EPHB1: variants seen among roughly 807,000 people sequenced by gnomAD.
EPHB1 encodes the protein ephrin type-B receptor 1.
In EPHB1, 30 loss-of-function variants were observed where a neutral mutation model predicts 94.4. That is an observed-to-expected ratio of 0.32 (90% CI 0.24 to 0.43). EPHB1 has a LOEUF of 0.43. Ranked by LOEUF, EPHB1 falls within the 20% of genes least tolerant of loss-of-function variation. The probability of loss-of-function intolerance (pLI) is 1.00; values close to 1 mark genes in which losing one functional copy is unlikely to be tolerated. For missense variants in EPHB1, 1,055 were observed against 1,308.3 expected, an observed-to-expected ratio of 0.81 and a Z score of 2.99; for synonymous variants, 522 against 489.1, an observed-to-expected ratio of 1.07 and a Z score of -0.89.
intron 2 of EPHB1, among the ~76,000 whole-genome samples, chr3:134,940,138 T>C (rs2039084290): frequency 6.6e-6 from 1 of 152,180 alleles, no homozygotes; most frequent in African/African-American, 2.4e-5. Context: ...GCCTTTTAGT[T>C]CCTGCATTCT....
At chr3:135,245,492 A>G (rs1943895481) in intron 13 of EPHB1, among the ~76,000 whole-genome samples, 1 of 142,632 alleles carries the variant, frequency 7.0e-6, no homozygotes, top group South Asian at 2.4e-4. Flanking sequence ...CAAATACAAA[A>G]ACAAATACCA....
chr3:135,083,696 T>C (rs569034606), intron 3 of EPHB1, among the ~76,000 whole-genome samples: 1 of 152,116 alleles, frequency 6.6e-6, no homozygotes, highest in Non-Finnish European at 1.5e-5. Context: ...TACTCCCACC[T>C]GCTGTTCTCC....
At chr3:135,093,721 C>A (rs1296201131) in intron 3 of EPHB1, among the ~76,000 whole-genome samples, 12 of 140,540 alleles carry the variant, frequency 8.5e-5, no homozygotes, top group African/African-American at 2.2e-4. Flanking sequence ...GACCCTGACT[C>A]AAAAAAAAAA....
chr3:134,866,873 G>T (rs1256213552), intron 1 of EPHB1, among the ~76,000 whole-genome samples: 1 of 152,222 alleles, frequency 6.6e-6, no homozygotes, highest in African/African-American at 2.4e-5. Flanking sequence ...CTAAAGGGGA[G>T]CAGATACCCT....
At chr3:135,157,351 C>G (rs1941383843) in intron 6 of EPHB1, among the ~76,000 whole-genome samples, 1 of 152,218 alleles carries the variant, frequency 6.6e-6, no homozygotes, top group Non-Finnish European at 1.5e-5. Flanking sequence ...GCCTGTATAC[C>G]TTGGCTCCTT....
intron 2 of EPHB1, among the ~76,000 whole-genome samples, chr3:134,948,975 A>C (rs1311527492): frequency 6.6e-6 from 1 of 152,224 alleles, no homozygotes; most frequent in African/African-American, 2.4e-5. Flanking sequence ...ACAGGCCTGG[A>C]ACTGGGAGAC....
intron 9 of EPHB1, among the ~76,000 whole-genome samples, chr3:135,174,408 T>C (rs928633808): frequency 6.6e-6 from 1 of 152,208 alleles, no homozygotes; most frequent in African/African-American, 2.4e-5. Context: ...CGATGTGCAC[T>C]TGTCCTTTCA....
At chr3:135,143,130 T>C (rs568061037) in intron 5 of EPHB1, among the ~76,000 whole-genome samples, 3 of 139,798 alleles carry the variant, frequency 2.1e-5, no homozygotes, top group South Asian at 2.3e-4. Flanking sequence ...AGGAGGTGGG[T>C]ACAGGGGAGT....
intron 1 of EPHB1, among the ~76,000 whole-genome samples, chr3:134,909,532 G>A (rs1245329055): frequency 2.0e-5 from 3 of 152,214 alleles, no homozygotes; most frequent in Non-Finnish European, 4.4e-5. Flanking sequence ...CACTGCATTT[G>A]GATAGCAGGC....
intron 15 of EPHB1, among the ~76,000 whole-genome samples, chr3:135,252,143 ATTG>A (rs974796377): frequency 1.3e-4 from 19 of 151,942 alleles, no homozygotes; most frequent in African/African-American, 3.6e-4. Flanking sequence ...ACACAAAAAA[ATTG>A]TTACTGTTAA....
chr3:134,918,067 G>C (rs182941697), intron 1 of EPHB1, among the ~76,000 whole-genome samples: 3 of 152,348 alleles, frequency 2.0e-5, no homozygotes, highest in East Asian at 3.9e-4. Context: ...TTGTATGAGG[G>C]CATCTGACCA....
intron 1 of EPHB1, among the ~76,000 whole-genome samples, chr3:134,878,222 CTCT>C (rs1205797147): frequency 2.0e-5 from 3 of 152,190 alleles, no homozygotes; most frequent in African/African-American, 7.2e-5. Flanking sequence ...AAGTTTTAGG[CTCT>C]TCTTTAAGCA....
intron 12 of EPHB1, among the ~76,000 whole-genome samples, chr3:135,218,572 A>T (rs1455438111): frequency 6.6e-6 from 1 of 152,210 alleles, no homozygotes; most frequent in Admixed American, 6.5e-5. Flanking sequence ...CAGGGGTGTG[A>T]TATGCAAAGC....
chr3:135,052,909 A>ATATATATATATATGTG lies in EPHB1; in HGVS notation c.806-53538_806-53537insATATATATATATGTGT, dbSNP rs1217744067. Among the ~76,000 whole-genome samples the ATATATATATATATGTG allele has an allele frequency of 1.6e-3, 112 of 68,800 alleles. 1 individual carries two copies. The highest frequency in any genetic ancestry group is 3.0e-3 in the East Asian group (8 of 2,700). 45.1% of individuals were successfully genotyped at this position (68,800 alleles called of 152,430 possible). A position where few individuals can be genotyped will look rare whatever the true frequency, so the allele number is the denominator to read the frequency against. ...AAAAAAAATATATATATATATATAT[A>ATATATATATATATGTG]TGTGTGTGTGTGTGTGTGTGTGTAT... On this transcript the variant is annotated intron_variant, in intron 3 of 15. Coordinates refer to ENST00000398015, the MANE Select transcript of EPHB1 (RefSeq NM_004441.5).
At chr3:134,890,486 T>G (rs539140529) in intron 1 of EPHB1, among the ~76,000 whole-genome samples, 6 of 152,258 alleles carry the variant, frequency 3.9e-5, no homozygotes, top group Non-Finnish European at 7.3e-5. Context: ...CACTCTTGCA[T>G]GTACCTCCTT....
chr3:135,054,040 T>TATAC (rs377064799), intron 3 of EPHB1, among the ~76,000 whole-genome samples: 37,280 of 139,368 alleles, frequency 0.27, 5,663 homozygotes, highest in Middle Eastern at 0.37. Context: ...TATATATATA[T>TATAC]ACACACACAC....
At chr3:134,981,273 G>T (rs1934391116) in intron 3 of EPHB1, among the ~76,000 whole-genome samples, 1 of 152,166 alleles carries the variant, frequency 6.6e-6, no homozygotes, top group South Asian at 2.1e-4. Flanking sequence ...GGGCTAGGTT[G>T]TGTTGCAATA....
At chr3:134,977,925 G>T (rs905886862) in intron 3 of EPHB1, 3 of 454,530 alleles carry the variant, frequency 6.6e-6, no homozygotes, top group African/African-American at 6.0e-5. Context: ...ATGGAAGGAG[G>T]CACTTGCCTG....
chr3:135,245,690 C>A (rs2107730005), intron 13 of EPHB1, among the ~76,000 whole-genome samples: 1 of 151,214 alleles, frequency 6.6e-6, no homozygotes, highest in East Asian at 2.0e-4. Context: ...CCTGTAGTCC[C>A]AGCTACTCGG....
Sources: gnomAD v4.1 joint callset for allele counts (sites outside exome capture counted in the v4.1 genomes callset) on GRCh38, gnomAD v4.1.1 for gene constraint, MANE v1.5 for transcripts, NCBI Gene and HGNC (gene_info 2026-07-23, HGNC 2026-07-21) for gene names.